MMP26: variants seen among roughly 807,000 people sequenced by gnomAD.
The protein encoded by MMP26 is matrix metallopeptidase 26.
Under a neutral mutation model 31.0 loss-of-function variants are expected in MMP26, and 33 were observed. That is an observed-to-expected ratio of 1.06 (90% confidence interval 0.81 to 1.42). The LOEUF (loss-of-function observed/expected upper bound fraction) is 1.42. Among genes scored for constraint, MMP26 ranks in the 40% most tolerant of loss-of-function variants. The probability of loss-of-function intolerance (pLI) is 0.00; values close to 1 mark genes in which losing one functional copy is unlikely to be tolerated. For missense variants in MMP26, 347 were observed against 316.1 expected (o/e 1.10, Z -0.74); for synonymous variants, 122 against 114.9 (o/e 1.06, Z -0.40).
At chr11:4,732,251 T>G (rs1848183196) in intron 1 of MMP26, among the ~76,000 whole-genome samples, 1 of 152,236 alleles carries the variant, frequency 6.6e-6, no homozygotes, top group African/African-American at 2.4e-5. Context: ...TATCTTTTTA[T>G]GAATTCCCTA....
intron 1 of MMP26, chr11:4,711,651 C>T (rs1245142708): frequency 6.6e-6 from 1 of 152,156 alleles, no homozygotes; most frequent in Non-Finnish European, 1.5e-5. Flanking sequence ...TCACTTTTCT[C>T]AATGTGGTCC....
chr11:4,939,237 A>C (rs1846173632), intron 2 of MMP26, among the ~76,000 whole-genome samples: 1 of 152,148 alleles, frequency 6.6e-6, no homozygotes, highest in Non-Finnish European at 1.5e-5. Flanking sequence ...AGTAAATGGA[A>C]ATTAGTTGTA....
chr11:4,867,583 G>T (rs1436570907), intron 2 of MMP26, among the ~76,000 whole-genome samples: 1 of 151,848 alleles, frequency 6.6e-6, no homozygotes, highest in Non-Finnish European at 1.5e-5. Flanking sequence ...TAGAGATGGG[G>T]TTTCACCATG....
At chr11:4,798,812 T>C (rs1053714449) in intron 2 of MMP26, among the ~76,000 whole-genome samples, 3 of 152,214 alleles carry the variant, frequency 2.0e-5, no homozygotes, top group Non-Finnish European at 2.9e-5. Flanking sequence ...CAAAAATTGC[T>C]TGTTGATTTG....
intron 2 of MMP26, among the ~76,000 whole-genome samples, chr11:4,963,196 C>T (rs112075621): frequency 0.042 from 6,429 of 152,164 alleles, 454 homozygotes; most frequent in African/African-American, 0.15. Flanking sequence ...AGGACCTCTT[C>T]AAGGAGAACT....
chr11:4,937,039 T>G (rs1344283068), intron 2 of MMP26, among the ~76,000 whole-genome samples: 1 of 152,184 alleles, frequency 6.6e-6, no homozygotes, highest in Non-Finnish European at 1.5e-5. Flanking sequence ...GGAGAATACT[T>G]TTTTAAAGGT....
chr11:4,776,920 C>T (rs1436211383), intron 2 of MMP26, among the ~76,000 whole-genome samples: 1 of 151,966 alleles, frequency 6.6e-6, no homozygotes, highest in East Asian at 1.9e-4. Context: ...GTGAAAACAG[C>T]CTAATACAAT....
intron 1 of MMP26, chr11:4,712,452 T>G (rs1375687173): frequency 6.6e-6 from 1 of 151,986 alleles, no homozygotes; most frequent in Non-Finnish European, 1.5e-5. Flanking sequence ...ATAAGAAAAA[T>G]ATAGCTCCTA....
At chr11:4,974,343 A>C (rs1171881510) in intron 2 of MMP26, among the ~76,000 whole-genome samples, 2 of 149,210 alleles carry the variant, frequency 1.3e-5, no homozygotes, top group South Asian at 2.1e-4. Flanking sequence ...AGATTTTTTA[A>C]AAGTTCAAAA....
At chr11:4,710,732 C>G (rs1156843692) in intron 1 of MMP26, 2 of 310,048 alleles carry the variant, frequency 6.5e-6, no homozygotes, top group African/African-American at 4.3e-5. Context: ...AATACTGAAC[C>G]TAGCACAGTA....
At chr11:4,939,580 C>T (rs1378917387) in intron 2 of MMP26, among the ~76,000 whole-genome samples, 2 of 152,154 alleles carry the variant, frequency 1.3e-5, no homozygotes, top group African/African-American at 4.8e-5. Context: ...CAATTTTCCT[C>T]ATTTTTAATT....
intron 2 of MMP26, among the ~76,000 whole-genome samples, chr11:4,888,763 G>T (rs1013483099): frequency 6.6e-6 from 1 of 152,182 alleles, no homozygotes; most frequent in East Asian, 1.9e-4. Context: ...TAAGGAAGGT[G>T]CAAAGGGAGA....
At chr11:4,791,425 C>A (rs1849025177) in intron 2 of MMP26, among the ~76,000 whole-genome samples, 1 of 152,148 alleles carries the variant, frequency 6.6e-6, no homozygotes, top group African/African-American at 2.4e-5. Context: ...GTGCCCGAAC[C>A]TTGATCTCTG....
intron 2 of MMP26, among the ~76,000 whole-genome samples, chr11:4,966,359 G>A (rs1448466740): frequency 6.6e-6 from 1 of 152,116 alleles, no homozygotes; most frequent in Admixed American, 6.5e-5. Flanking sequence ...CTAACAGCTT[G>A]CCACTGCCAT....
At chr11:4,709,642 G>A (rs760747581) in intron 1 of MMP26, 34 of 457,150 alleles carry the variant, frequency 7.4e-5, no homozygotes, top group Middle Eastern at 3.2e-4. Flanking sequence ...CTTGAAACCC[G>A]TCAGATCTGG....
At chr11:4,941,312 C>G (rs994791598) in intron 2 of MMP26, among the ~76,000 whole-genome samples, 3 of 152,140 alleles carry the variant, frequency 2.0e-5, no homozygotes, top group African/African-American at 4.8e-5. Context: ...TAAATCATAT[C>G]CAATTTACCT....
chr11:4,876,728 C>G (rs1293584907), intron 2 of MMP26: 2 of 108,204 alleles, frequency 1.8e-5, no homozygotes, highest in African/African-American at 6.5e-5. Context: ...TGAGCAAAGT[C>G]TCCATGAGCC....
At chr11:4,876,574 A>G (rs1158306339) in intron 2 of MMP26, 1 of 152,222 alleles carries the variant, frequency 6.6e-6, no homozygotes, top group African/African-American at 2.4e-5. Context: ...CACTCAACCA[A>G]ACTACTGAGA....
At chr11:4,750,024 A>G (rs1402755898) in intron 1 of MMP26, among the ~76,000 whole-genome samples, 3 of 152,226 alleles carry the variant, frequency 2.0e-5, no homozygotes, top group South Asian at 4.1e-4. Flanking sequence ...ATATTTACCA[A>G]TTGTGCATCT....
Sources: gnomAD v4.1 joint callset for allele counts (sites outside exome capture counted in the v4.1 genomes callset) on GRCh38, gnomAD v4.1.1 for gene constraint, MANE v1.5 for transcripts, NCBI Gene and HGNC (gene_info 2026-07-23, HGNC 2026-07-21) for gene names.